Variants in BPIFB6 observed in about 807,000 individuals in gnomAD.
BPIFB6 encodes the protein BPI fold-containing family B member 6.
In BPIFB6, 47 loss-of-function variants were observed where a neutral mutation model predicts 54.7. That is an observed-to-expected ratio of 0.86 (90% CI 0.68 to 1.10). The LOEUF is 1.10. Among genes scored for constraint, BPIFB6 ranks in the 50% least tolerant of loss-of-function variants. The probability of loss-of-function intolerance (pLI) is 0.00; values close to 1 mark genes in which losing one functional copy is unlikely to be tolerated. For synonymous variants in BPIFB6, 255 were observed against 225.9 expected (o/e 1.13, Z -1.16); for missense variants, 603 against 564.1 (o/e 1.07, Z -0.70).
At position 33,042,833 on chromosome 20, in the gene BPIFB6, T is replaced by G. The variant is rs1449067183; in HGVS notation, c.1207T>G (p.Phe403Val). Residue 403 changes from phenylalanine to valine, a missense_variant, in exon 13 of 15, where the codon TTC becomes GTC. Phe to Val is a conservative substitution (Grantham distance 50). Transcript: ENST00000349552. Reference sequence around the variant, plus strand: ...TTTCCAGGAGAGGGAATTAACTGGCTTCATCACCAGCTATCTCGAAGAAGC... The same window carrying G: ...TTTCCAGGAGAGGGAATTAACTGGCGTCATCACCAGCTATCTCGAAGAAGC... ...GNFNERELTG[F>V]ITSYLEEAYI... is the part of the protein sequence containing the mutation. The G allele has an allele frequency of 1.2e-6, 2 of 1,614,194 alleles. No individual in the cohort carries two copies. Among genetic ancestry groups the G allele is most frequent in the South Asian group, 2.2e-5 (2 of 91,078 alleles).
intron 1 of BPIFB6, among the ~76,000 whole-genome samples, chr20:33,032,176 C>G (rs1979130802): frequency 1.3e-5 from 2 of 152,146 alleles, no homozygotes; most frequent in Non-Finnish European, 2.9e-5. Context: ...ACCAGTCTGT[C>G]CCTAGCAGGA....
chr20:33,042,905 A>T (rs754277666), intron 13 of BPIFB6, 27 bp downstream of exon 13: 70 of 1,608,200 alleles, frequency 4.4e-5, no homozygotes, highest in Non-Finnish European at 5.9e-5. Context: ...GCTTTGGACC[A>T]TGGTGCCAAG....
At position 33,034,304 on chromosome 20, in the gene BPIFB6, G is replaced by A; in HGVS notation, c.302+14G>A. 1.3e-6 allele frequency: 2 copies of A among 1,583,778 alleles called. No individual in the cohort carries two copies. The highest frequency in any genetic ancestry group is 1.7e-6 in the Non-Finnish European group (2 of 1,152,576). ...CACTGGCAAGAGGTGAGTGTGGCAG[G>A]GGAGGGGCAGCGGGGAGGAGAACGG... On this transcript the variant is annotated intron_variant, in intron 3 of 14. Transcript: ENST00000349552.
At chr20:33,034,954 G>A (rs1014242118) in intron 4 of BPIFB6, 42 bp downstream of exon 4, 1 of 1,605,848 alleles carries the variant, frequency 6.2e-7, no homozygotes, top group East Asian at 2.2e-5. Context: ...GGTCCATATT[G>A]CTATACCCCC....
At chr20:33,042,934 G>A (rs1015798789) in intron 13 of BPIFB6, 56 bp downstream of exon 13, 11 of 1,542,640 alleles carry the variant, frequency 7.1e-6, no homozygotes, top group African/African-American at 1.4e-5. Context: ...TAAGCAATAA[G>A]GGATGCCACC....
rs1979287183 is a variant in BPIFB6 at position 33,035,279 on chromosome 20, C to T, written c.516+135C>T. ...GGAAGGGTTCTGAGACTGTGGCTGGCTCAGTGGAAGAAAGTGCCACAATCA... is the reference window on the plus strand; with the variant it reads ...GGAAGGGTTCTGAGACTGTGGCTGGTTCAGTGGAAGAAAGTGCCACAATCA... On this transcript the variant is annotated intron_variant, in intron 5 of 14. Coordinates refer to ENST00000349552, the MANE Select transcript of BPIFB6 (RefSeq NM_174897.2). The T allele has an allele frequency of 6.6e-6, 6 of 915,556 alleles. 1 individual carries two copies. The South Asian group carries it at 7.8e-5, about 12-fold the overall frequency. The allele number at this position is 915,556 out of a possible 1,614,324, so 56.7% of individuals were successfully genotyped here.
chr20:33,038,890 C>G lies in BPIFB6; in HGVS notation c.847-19C>G. 1 of 1,613,948 alleles carries G rather than the reference C, an allele frequency of 6.2e-7. No individual in the cohort carries two copies. ...CAGGGAGGACTCCAGCAACCCTAAC[C>G]TTGACTTTTATTCTGTAGATTGGTG... On this transcript the variant is annotated intron_variant, in intron 8 of 14. Coordinates refer to ENST00000349552, the MANE Select transcript of BPIFB6 (RefSeq NM_174897.2).
At chr20:33,039,114 G>A in intron 9 of BPIFB6, 152 bp downstream of exon 9, 1 of 1,061,382 alleles carries the variant, frequency 9.4e-7, no homozygotes, top group Non-Finnish European at 1.4e-6. Context: ...AGTACTTTTT[G>A]GGTCCAACAT....
rs775551067 is a variant in BPIFB6, at chr20:33,040,275, T to A, written c.1099T>A (p.Ser367Thr). 4 of 1,614,158 alleles carry A rather than the reference T, an allele frequency of 2.5e-6. No individual in the cohort carries two copies. The Admixed American group carries it at 6.7e-5, about 27-fold the overall frequency. ...EVHFNLKVQY[S>T]VHENQLQMAT... is the part of the protein sequence containing the mutation. Reference sequence around the variant, plus strand: ...GCACTTCAATCTGAAGGTCCAGTACTCAGTGCATGAGAACCAGCTGCAGAT... The same window carrying A: ...GCACTTCAATCTGAAGGTCCAGTACACAGTGCATGAGAACCAGCTGCAGAT... Residue 367 changes from serine (S) to threonine (T), a missense_variant, in exon 11 of 15, where the codon TCA becomes ACA. Transcript: ENST00000349552.
chr20:33,042,041 G>A, intron 12 of BPIFB6, 26 bp downstream of exon 12: 1 of 1,609,244 alleles, frequency 6.2e-7, no homozygotes, highest in Middle Eastern at 1.7e-4. Flanking sequence ...GCTCTTGCCT[G>A]TCCGGCGTGA....
In BPIFB6 at chr20:33,035,069, G is replaced by A. The variant is rs1979277857; in HGVS notation, c.453-12G>A. 6.2e-7 allele frequency: 1 copy of A among 1,613,656 alleles called. No homozygotes were observed. The highest frequency in any genetic ancestry group is 1.7e-5 in the Admixed American group (1 of 59,972). ...ACCTGCCCACCTATCCTCGGTGCCTGTGTCCATCTAGCATGCTCCCCAAGA... is the reference window on the plus strand; with the variant it reads ...ACCTGCCCACCTATCCTCGGTGCCTATGTCCATCTAGCATGCTCCCCAAGA... On this transcript the variant is annotated splice_polypyrimidine_tract_variant and intron_variant, in intron 4 of 14. Transcript: ENST00000349552.
intron 7 of BPIFB6, 77 bp downstream of exon 7, chr20:33,036,613 C>G: frequency 7.3e-7 from 1 of 1,365,874 alleles, no homozygotes; most frequent in Non-Finnish European, 1.0e-6. Flanking sequence ...TCTGCCAGGA[C>G]AGGTGGCTGG....
intron 10 of BPIFB6, 140 bp downstream of exon 10, chr20:33,039,660 C>T: frequency 1.0e-6 from 1 of 982,618 alleles, no homozygotes; most frequent in South Asian, 1.9e-5. Flanking sequence ...TTGGCTCTGC[C>T]ACTGAACCTT....
intron 11 of BPIFB6, among the ~76,000 whole-genome samples, chr20:33,041,236 G>A (rs938997887): frequency 2.0e-5 from 3 of 151,994 alleles, no homozygotes; most frequent in Non-Finnish European, 1.5e-5. Context: ...TGATCCACCC[G>A]CCTCGGCCTC....
chr20:33,041,455 C>T (rs1043858801), intron 11 of BPIFB6, among the ~76,000 whole-genome samples: 2 of 152,134 alleles, frequency 1.3e-5, no homozygotes, highest in African/African-American at 4.8e-5. Flanking sequence ...TTGGGTTTAG[C>T]CCATCTGAAT....
Position 33,038,942 on chromosome 20 carries a change from C to T in BPIFB6, c.880C>T (p.Leu294=), listed in dbSNP as rs141794458. The T allele has an allele frequency of 1.9e-6, 3 of 1,613,992 alleles. No homozygotes were observed. Among genetic ancestry groups the T allele is most frequent in the Non-Finnish European group, 2.5e-6 (3 of 1,180,032 alleles). The change falls in exon 9 of 15, where the codon CTG becomes TTG. Residue 294 remains leucine, a synonymous_variant. Transcript: ENST00000349552. ...GELPPQTTKT[L]ARFIPEVAVA... is the part of the protein sequence containing the mutation. The stretch of plus-strand genomic sequence containing the variant: ...GCTGCCCCCACAAACCACCAAGACC[C>T]TGGCTCGCTTCATTCCTGAAGTGAG...
chr20:33,036,667 C>G, intron 7 of BPIFB6, 131 bp downstream of exon 7: 3 of 842,926 alleles, frequency 3.6e-6, no homozygotes, highest in Non-Finnish European at 5.9e-6. Flanking sequence ...CCGTGGAGGC[C>G]AATGCCATGT....
chr20:33,033,816 T>C (rs1979206956), intron 2 of BPIFB6, among the ~76,000 whole-genome samples: 1 of 152,162 alleles, frequency 6.6e-6, no homozygotes, highest in Admixed American at 6.5e-5. Context: ...CAAATCAGCC[T>C]CATGACAAAG....
intron 14 of BPIFB6, 32 bp downstream of exon 14, chr20:33,043,399 A>G (rs935609865): frequency 1.9e-6 from 3 of 1,586,174 alleles, no homozygotes; most frequent in African/African-American, 2.7e-5. Context: ...GGTCATGTCA[A>G]TCAACACTGT....
Sources: allele counts gnomAD v4.1 joint callset (sites outside exome capture counted in the v4.1 genomes callset), GRCh38; gene constraint gnomAD v4.1.1; transcripts MANE v1.5; gene names NCBI Gene and HGNC (gene_info 2026-07-23, HGNC 2026-07-21).